WDR81: variants seen among roughly 807,000 people sequenced by gnomAD.
The protein encoded by WDR81 is WD repeat-containing protein 81.
Under a neutral mutation model 140.8 loss-of-function variants are expected in WDR81, and 92 were observed. The ratio of observed to expected loss-of-function variants is 0.65; its 90% CI spans 0.55 to 0.78. The LOEUF (loss-of-function observed/expected upper bound fraction) is 0.78. Among genes scored for constraint, WDR81 ranks in the 30% least tolerant of loss-of-function variants. WDR81 has a pLI of 0.00. For missense variants in WDR81, 2,502 were observed against 2,636.4 expected, an observed-to-expected ratio of 0.95 and a Z score of 1.12; for synonymous variants, 1,183 against 1,156.4, an observed-to-expected ratio of 1.02 and a Z score of -0.47.
intron 1 of WDR81, chr17:1,716,774 G>C: frequency 2.1e-6 from 2 of 950,312 alleles, no homozygotes; most frequent in East Asian, 2.6e-5. Flanking sequence ...GGACGCTATA[G>C]CTCTTTAAGG....
Position 1,727,664 on chromosome 17 carries a change from T to C in WDR81, c.2705T>C (p.Val902Ala). The C allele has an allele frequency of 6.4e-7, 1 of 1,550,506 alleles. No individual in the cohort carries two copies. The change falls in exon 1 of 10, where the codon GTG becomes GCG. Residue 902 changes from valine (V) to alanine (A), a missense_variant. Around this residue, in one of 3 missense-constraint regions of WDR81, gnomAD observed 1,737 missense variants for 1,843.0 expected, o/e 0.94. Transcript: ENST00000409644. ...GACGAGGCCCAGGGGCGCGAGCTGG[T>C]GTTTGCTCTGTGGCAGCAGCTGGGC... Reference protein sequence around the residue: ...VEDEAQGRELVFALWQQLGAV... With the variant: ...VEDEAQGRELAFALWQQLGAV...
intron 1 of WDR81, chr17:1,716,987 GC>G (rs1369738104): frequency 2.5e-6 from 1 of 403,676 alleles, no homozygotes; most frequent in Admixed American, 4.2e-5. Context: ...AGCCCCCAGA[GC>G]CTCCCAAGAG....
chr17:1,719,560 A>AG (rs11431553), intron 1 of WDR81, among the ~76,000 whole-genome samples: 2 of 149,496 alleles, frequency 1.3e-5, no homozygotes, highest in South Asian at 4.2e-4. Context: ...AAAAAAGAAA[A>AG]AAAAAAAAAA....
chr17:1,731,101 C>G lies in WDR81; in HGVS notation c.4000C>G (p.Leu1334Val), dbSNP rs1904316391. The change falls in exon 4 of 10, where the codon CTG becomes GTG. Residue 1334 changes from leucine (L) to valine (V), a missense_variant. Leu to Val is a conservative substitution (Grantham distance 32). This residue lies in a region of WDR81 where 1,737 missense variants were observed against 1,843.0 expected (regional missense o/e 0.94). Transcript: ENST00000409644. ...APGSASGPSR[L>V]NSRKEAGLLA... Reference sequence around the variant, plus strand: ...AGGGAGTGCCTCAGGCCCCAGCCGACTGAACAGCCGTAAGGAGGCGGGGCT... The same window carrying G: ...AGGGAGTGCCTCAGGCCCCAGCCGAGTGAACAGCCGTAAGGAGGCGGGGCT... 1 of 1,612,976 alleles carries G rather than the reference C, an allele frequency of 6.2e-7. No individual in the cohort carries two copies. Among genetic ancestry groups the G allele is most frequent in the Admixed American group, 1.7e-5 (1 of 60,006 alleles).
rs1439415725 is a variant in WDR81, at chr17:1,725,383, G to A, written c.424G>A (p.Val142Ile). Residue 142 changes from valine (V) to isoleucine (I), a missense_variant, in exon 1 of 10, where the codon GTT becomes ATT. Around this residue, in one of 3 missense-constraint regions of WDR81, gnomAD observed 547 missense variants for 513.8 expected, o/e 1.06. Transcript: ENST00000409644. ...GACCCTCACTCGCTTCATGCAGGAG[G>A]TTGCCGCCCAGAATTATCGCAACCT... Reference protein sequence around the residue: ...PETLTRFMQEVAAQNYRNLWR... With the variant: ...PETLTRFMQEIAAQNYRNLWR... 3 of 1,549,546 alleles carry A rather than the reference G, an allele frequency of 1.9e-6. No individual in the cohort carries two copies. In the East Asian group the frequency reaches 7.3e-5, roughly 38 times the overall value.
chr17:1,727,098 G>C lies in WDR81; in HGVS notation c.2139G>C (p.Glu713Asp), dbSNP rs765270998. 2 of 1,548,146 alleles carry C rather than the reference G, an allele frequency of 1.3e-6. No individual in the cohort carries two copies. The highest frequency in any genetic ancestry group is 2.4e-5 in the South Asian group (2 of 83,976). Reference sequence around the variant, plus strand: ...AAGCTGCTGGGGCAGACCCTGGGGAGGGTGAGGAGGGGAGGATTCTTCTTC... The same window carrying C: ...AAGCTGCTGGGGCAGACCCTGGGGACGGTGAGGAGGGGAGGATTCTTCTTC... ...RNKAAGADPG[E>D]GEEGRILLPE... Residue 713 changes from glutamate to aspartate, a missense_variant, in exon 1 of 10, where the codon GAG becomes GAC. This residue lies in a region of WDR81 where 1,737 missense variants were observed against 1,843.0 expected (regional missense o/e 0.94). Coordinates refer to ENST00000409644, the MANE Select transcript of WDR81 (RefSeq NM_001163809.2).
rs765482035 is a variant in WDR81 at position 1,736,178 on chromosome 17, G to A, written c.5465G>A (p.Arg1822Gln). Residue 1822 changes from arginine (R) to glutamine (Q), a missense_variant, in exon 9 of 10, where the codon CGA becomes CAA. This residue lies in a region of WDR81 where 1,737 missense variants were observed against 1,843.0 expected (regional missense o/e 0.94). Coordinates refer to ENST00000409644, the MANE Select transcript of WDR81 (RefSeq NM_001163809.2). ...LLDTRTGLVL[R>Q]GWPAHEGDIL... The stretch of plus-strand genomic sequence containing the variant: ...GACACCCGCACAGGCCTGGTTCTGC[G>A]AGGCTGGCCAGCCCACGAGGGGGAC... The A allele has an allele frequency of 1.4e-5, 22 of 1,599,570 alleles. No individual in the cohort carries two copies. Among genetic ancestry groups the A allele is most frequent in the Middle Eastern group, 1.7e-4 (1 of 6,052 alleles).
chr17:1,729,305 C>T (rs1915522003), intron 1 of WDR81, among the ~76,000 whole-genome samples: 2 of 152,006 alleles, frequency 1.3e-5, no homozygotes, highest in South Asian at 4.2e-4. Flanking sequence ...CATGGTGAAA[C>T]CCCATCTCTA....
In WDR81 at chr17:1,726,509, G is replaced by A; in HGVS notation, c.1550G>A (p.Trp517Ter). ...PDMPDLDVPA[W>*]CSSSQEFVAA... Reference sequence around the variant, plus strand: ...ATGCCTGACCTGGATGTGCCAGCCTGGTGCAGCTCCAGCCAGGAGTTCGTA... The same window carrying A: ...ATGCCTGACCTGGATGTGCCAGCCTAGTGCAGCTCCAGCCAGGAGTTCGTA... The change falls in exon 1 of 10, where the codon TGG (tryptophan) becomes TAG (stop). Residue 517 changes from tryptophan (W) to a stop codon, truncating the protein, a stop_gained. Transcript: ENST00000409644. LOFTEE classifies it high-confidence loss of function. 2 of 1,550,478 alleles carry A rather than the reference G, an allele frequency of 1.3e-6. No individual in the cohort carries two copies. Among genetic ancestry groups the A allele is most frequent in the Non-Finnish European group, 1.7e-6 (2 of 1,147,014 alleles).
rs1377318356 is a variant in WDR81, at chr17:1,738,518, G to A, written c.*833G>A. ...TAGACAGAGATGAGGTCCAGGGGTTGGCCCCTGCTGCCTTCTCACAATTTG... is the reference window on the plus strand; with the variant it reads ...TAGACAGAGATGAGGTCCAGGGGTTAGCCCCTGCTGCCTTCTCACAATTTG... On this transcript the variant is annotated 3_prime_UTR_variant, in exon 10 of 10. Transcript: ENST00000409644. 6.6e-6 allele frequency: 1 copy of A among 152,652 alleles called. No individual in the cohort carries two copies. Among genetic ancestry groups the A allele is most frequent in the Admixed American group, 6.5e-5 (1 of 15,286 alleles). 9.5% of individuals were successfully genotyped at this position (152,652 alleles called of 1,614,324 possible). A position where few individuals can be genotyped will look rare whatever the true frequency, so the allele number is the denominator to read the frequency against.
Position 1,718,578 on chromosome 17 carries a change from C to T in WDR81, c.-124+1945C>T, listed in dbSNP as rs113634889. 7.3e-4 allele frequency among the ~76,000 whole-genome samples: 111 copies of T among 152,334 alleles called. 1 individual carries two copies. The highest frequency in any genetic ancestry group is 2.5e-3 in the African/African-American group (103 of 41,572). On this transcript the variant is annotated intron_variant, in intron 1 of 10. Transcript: ENST00000309182. ...GGGACACGTTGGCCCCAGAAGCCAGCGTCTTTGGCTGGGAAGTGCTGGGAA... is the reference window on the plus strand; with the variant it reads ...GGGACACGTTGGCCCCAGAAGCCAGTGTCTTTGGCTGGGAAGTGCTGGGAA...
chr17:1,730,556 CTCCGGCGGGGA>C, intron 2 of WDR81, 69 bp downstream of exon 2: 1 of 1,506,128 alleles, frequency 6.6e-7, no homozygotes, highest in South Asian at 1.2e-5. Flanking sequence ...CTTCAGCGCT[CTCCGGCGGGGA>C]TCCTTCCCAC....
At chr17:1,719,690 C>T (rs1225626718) in intron 1 of WDR81, among the ~76,000 whole-genome samples, 1 of 151,130 alleles carries the variant, frequency 6.6e-6, no homozygotes, top group African/African-American at 2.4e-5. Context: ...CGTGGCAAGA[C>T]CCTCTTTAAA....
upstream of WDR81, among the ~76,000 whole-genome samples, chr17:1,720,007 C>A (rs1171089418): frequency 6.6e-6 from 1 of 151,892 alleles, no homozygotes; most frequent in Non-Finnish European, 1.5e-5. Context: ...AATTAGAAAA[C>A]ACCTAGCATA....
chr17:1,724,385 C>G (rs1485229262), upstream of WDR81, among the ~76,000 whole-genome samples: 1 of 152,184 alleles, frequency 6.6e-6, no homozygotes, highest in East Asian at 1.9e-4. Flanking sequence ...CAACAGAAGT[C>G]CCAGTTCTGC....
At chr17:1,718,587 C>G (rs1914713327) in intron 1 of WDR81, among the ~76,000 whole-genome samples, 1 of 152,210 alleles carries the variant, frequency 6.6e-6, no homozygotes, top group African/African-American at 2.4e-5. Context: ...GCGTCTTTGG[C>G]TGGGAAGTGC....
chr17:1,725,579 G>T lies in WDR81; in HGVS notation c.620G>T (p.Cys207Phe). ...CCTTCATATGCCAGAGAAGGCCCCT[G>T]CCCCCCTCGGGGCAGCCCTGCTTGC... ...QCPSYAREGP[C>F]PPRGSPACPS... is the part of the protein sequence containing the mutation. The change falls in exon 1 of 10, where the codon TGC becomes TTC. Residue 207 changes from cysteine to phenylalanine, a missense_variant. Coordinates refer to ENST00000409644, the MANE Select transcript of WDR81 (RefSeq NM_001163809.2). 6.5e-7 allele frequency: 1 copy of T among 1,545,130 alleles called. No homozygotes were observed.
Position 1,726,720 on chromosome 17 carries a change from A to G in WDR81, c.1761A>G (p.Pro587=). The G allele has an allele frequency of 6.5e-7, 1 of 1,548,666 alleles. No individual in the cohort carries two copies. The highest frequency in any genetic ancestry group is 1.2e-5 in the South Asian group (1 of 84,050). ...GGGTGGTGCAGCTCTTCGATCAGCC[A>G]CACCCCCAGCGCCTGGCTGGGGCTC... ...SYGVVQLFDQ[P]HPQRLAGAPA... is the part of the protein sequence containing the mutation. Residue 587 remains proline (P), a synonymous_variant, in exon 1 of 10, where the codon CCA becomes CCG. Transcript: ENST00000409644.
rs1355368767 is a variant in WDR81 at position 1,738,561 on chromosome 17, A to C, written c.*876A>C. ...ACAATTTGCAATAGATGTAAATAGG[A>C]CCAATAAATCCTTTGGAAGAGCCAT... On this transcript the variant is annotated 3_prime_UTR_variant, in exon 10 of 10. Transcript: ENST00000409644. 2 of 151,926 alleles carry C rather than the reference A, an allele frequency of 1.3e-5. No homozygotes were observed. Among genetic ancestry groups the C allele is most frequent in the African/African-American group, 4.9e-5 (2 of 41,164 alleles). The allele number at this position is 151,926 out of a possible 1,614,324, so 9.4% of individuals were successfully genotyped here.
Sources: allele counts gnomAD v4.1 joint callset (sites outside exome capture counted in the v4.1 genomes callset), GRCh38; gene constraint gnomAD v4.1.1; regional missense constraint gnomAD v4.1.1; transcripts MANE v1.5; gene names NCBI Gene and HGNC (gene_info 2026-07-23, HGNC 2026-07-21).